NEBL: variants seen among roughly 807,000 people sequenced by gnomAD.
NEBL encodes the protein LIM and SH3 protein 2.
NEBL carries 122 observed loss-of-function variants against 140.2 expected under a neutral mutation model. That is an observed-to-expected ratio of 0.87 (90% CI 0.75 to 1.01). The LOEUF (loss-of-function observed/expected upper bound fraction) is 1.01, where lower values mean the gene tolerates loss of function less well. Among genes scored for constraint, NEBL ranks in the 50% least tolerant of loss-of-function variants. The probability of loss-of-function intolerance (pLI) is 0.00; values close to 1 mark genes in which losing one functional copy is unlikely to be tolerated. For synonymous variants in NEBL, 436 were observed against 398.9 expected, an observed-to-expected ratio of 1.09 and a Z score of -1.11; for missense variants, 1,365 against 1,231.3, an observed-to-expected ratio of 1.11 and a Z score of -1.62.
At position 20,945,309 on chromosome 10, in the gene NEBL, C is replaced by T. The variant is rs1835100598; in HGVS notation, c.357+16363G>A. The stretch of plus-strand genomic sequence containing the variant: ...AGGGTTAGGTGCCTTACTCTGTACT[C>T]CAAAAATTCCCACTCTTAACACACT... On this transcript the variant is annotated intron_variant, in intron 4 of 6. Coordinates refer to the NEBL transcript ENST00000417816. Among the ~76,000 whole-genome samples, 3 of 152,214 alleles carry T rather than the reference C, an allele frequency of 2.0e-5. No homozygotes were observed. The South Asian group carries it at 6.2e-4, about 32-fold the overall frequency.
chr10:20,905,602 G>T (rs551418481), intron 4 of NEBL, among the ~76,000 whole-genome samples: 1 of 152,254 alleles, frequency 6.6e-6, no homozygotes, highest in South Asian at 2.1e-4. Flanking sequence ...AGATTTGGGT[G>T]GGGACACAAA....
Position 21,141,921 on chromosome 10 carries a change from C to G in NEBL, c.164+30462G>C, listed in dbSNP as rs74479831. 3.9e-3 allele frequency among the ~76,000 whole-genome samples: 598 copies of G among 152,290 alleles called. 14 individuals carry two copies. In the East Asian group the frequency reaches 0.057, roughly 14 times the overall value. On this transcript the variant is annotated intron_variant, in intron 2 of 6. Transcript: ENST00000417816. ...TTATTCTCCCACTCCACCTCCCACG[C>G]CTTCAGCAGAACTCCTGTTCTAGAA...
At chr10:21,147,241 T>C (rs575703197) in intron 2 of NEBL, among the ~76,000 whole-genome samples, 1 of 151,932 alleles carries the variant, frequency 6.6e-6, no homozygotes, top group Non-Finnish European at 1.5e-5. Flanking sequence ...TCCTCCTGCC[T>C]CTCAACAAGG....
At chr10:20,872,128 G>T (rs992574091) in intron 5 of NEBL, among the ~76,000 whole-genome samples, 1 of 152,116 alleles carries the variant, frequency 6.6e-6, no homozygotes, top group African/African-American at 2.4e-5. Context: ...GCTTTACATG[G>T]GTTACCTAAT....
Position 20,982,122 on chromosome 10 carries a change from C to T in NEBL, c.250-20343G>A, listed in dbSNP as rs71486480. Among the ~76,000 whole-genome samples, 24 of 152,278 alleles carry T rather than the reference C, an allele frequency of 1.6e-4. No homozygotes were observed. In the East Asian group the frequency reaches 4.2e-3, roughly 27 times the overall value. On this transcript the variant is annotated intron_variant, in intron 3 of 6. Coordinates refer to the NEBL transcript ENST00000417816. ...TTGTGATCAACGTTCAATTACCCAC[C>T]CTAACAGAAAAGTGGTTCAGAAAAT... is the stretch of plus-strand genomic sequence containing the variant.
chr10:21,029,743 A>T, intron 2 of NEBL: 1 of 806,862 alleles, frequency 1.2e-6, no homozygotes, highest in Non-Finnish European at 2.2e-6. Context: ...ATGCCGGGAT[A>T]TGGATCGATA....
At chr10:20,822,415 A>T (rs1839418933) in intron 19 of NEBL, among the ~76,000 whole-genome samples, 1 of 151,870 alleles carries the variant, frequency 6.6e-6, no homozygotes. Context: ...ATATATTCAT[A>T]GATATCTATA....
Position 20,906,865 on chromosome 10 carries a change from T to C in NEBL, c.357+54807A>G, listed in dbSNP as rs182989482. Among the ~76,000 whole-genome samples the C allele has an allele frequency of 6.6e-5, 10 of 152,252 alleles. No homozygotes were observed. In the East Asian group the frequency reaches 1.5e-3, roughly 23 times the overall value. On this transcript the variant is annotated intron_variant, in intron 4 of 6. Transcript: ENST00000417816. The stretch of plus-strand genomic sequence containing the variant: ...AACAAAAATCTCTAACTTTCTCTCC[T>C]ATTTCAATCATACATTCATTTATGA...
At chr10:21,040,610 A>T (rs1296413584) in intron 2 of NEBL, among the ~76,000 whole-genome samples, 1 of 152,060 alleles carries the variant, frequency 6.6e-6, no homozygotes, top group Non-Finnish European at 1.5e-5. Flanking sequence ...TTCATGAGAG[A>T]TTGGCCCCCA....
intron 2 of NEBL, among the ~76,000 whole-genome samples, chr10:21,036,091 G>A (rs1834005883): frequency 6.6e-6 from 1 of 152,006 alleles, no homozygotes; most frequent in Non-Finnish European, 1.5e-5. Flanking sequence ...TGAACCCAGG[G>A]GGCAGAAGGT....
chr10:21,205,065 C>T (rs530731809), intron 3 of NEBL, among the ~76,000 whole-genome samples: 3 of 152,366 alleles, frequency 2.0e-5, no homozygotes, highest in African/African-American at 7.2e-5. Context: ...ACTAAGAATG[C>T]TCACTGTGCA....
At chr10:20,924,413 TAAA>T (rs71390800) in intron 4 of NEBL, among the ~76,000 whole-genome samples, 4 of 59,056 alleles carry the variant, frequency 6.8e-5, no homozygotes, top group African/African-American at 2.0e-4. Context: ...AGGCATGAAG[TAAA>T]AAAAAAAAAA....
intron 3 of NEBL, among the ~76,000 whole-genome samples, chr10:21,242,438 A>C (rs1430305970): frequency 1.3e-5 from 2 of 152,054 alleles, no homozygotes; most frequent in Non-Finnish European, 2.9e-5. Flanking sequence ...GGACACAAAG[A>C]AGGGAATAAC....
intron 4 of NEBL, among the ~76,000 whole-genome samples, chr10:20,923,823 C>G (rs11012394): frequency 0.066 from 10,021 of 152,004 alleles, 479 homozygotes; most frequent in East Asian, 0.15. Flanking sequence ...TCTATCAACA[C>G]AAGGCAGACC....
intron 4 of NEBL, among the ~76,000 whole-genome samples, chr10:20,927,566 C>G (rs1288376040): frequency 6.6e-6 from 1 of 152,192 alleles, no homozygotes; most frequent in East Asian, 1.9e-4. Context: ...TACATTAAAA[C>G]CATACTCTGA....
upstream of NEBL, among the ~76,000 whole-genome samples, chr10:20,900,548 G>A (rs372215039): frequency 2.2e-4 from 33 of 151,634 alleles, no homozygotes; most frequent in South Asian, 1.0e-3. Context: ...CATGGGCTGG[G>A]TGCGGTGGTT....
intron 6 of NEBL, among the ~76,000 whole-genome samples, chr10:20,869,333 G>C (rs1189150868): frequency 2.0e-5 from 3 of 152,126 alleles, no homozygotes; most frequent in African/African-American, 7.2e-5. Flanking sequence ...GTGGACAAAG[G>C]TAAGTGTTGG....
At chr10:20,803,346 C>T (rs543039621) in intron 26 of NEBL, among the ~76,000 whole-genome samples, 2 of 152,100 alleles carry the variant, frequency 1.3e-5, no homozygotes, top group Admixed American at 1.3e-4. Flanking sequence ...GTGTATATAT[C>T]GAAACATCCC....
Position 21,168,051 on chromosome 10 carries a change from A to T in NEBL, c.164+4332T>A, listed in dbSNP as rs183766104. ...TACATCTAGTGTGTACTATACTTTG[A>T]TCGTTCTATCAAAAGATCAAAATTT... On this transcript the variant is annotated intron_variant, in intron 2 of 6. Coordinates refer to the NEBL transcript ENST00000417816. 2.0e-5 allele frequency among the ~76,000 whole-genome samples: 3 copies of T among 152,316 alleles called. No homozygotes were observed. The East Asian group carries it at 5.8e-4, about 29-fold the overall frequency.
Sources: allele counts gnomAD v4.1 joint callset (sites outside exome capture counted in the v4.1 genomes callset), GRCh38; gene constraint gnomAD v4.1.1; transcripts MANE v1.5; gene names NCBI Gene and HGNC (gene_info 2026-07-23, HGNC 2026-07-21).